PPP2R2C: variants seen among roughly 807,000 people sequenced by gnomAD.
PPP2R2C encodes protein phosphatase 2 regulatory subunit Bgamma, also known as protein phosphatase 2, regulatory subunit B, gamma.
In PPP2R2C, 10 loss-of-function variants were observed where a neutral mutation model predicts 45.3. The observed-to-expected ratio is 0.22, with a 90% CI of 0.14 to 0.37. The LOEUF is 0.37. Among genes scored for constraint, PPP2R2C ranks in the 10% least tolerant of loss-of-function variants. The probability of loss-of-function intolerance (pLI) is 1.00; values close to 1 mark genes in which losing one functional copy is unlikely to be tolerated. For missense variants in PPP2R2C, 308 were observed against 619.7 expected, an observed-to-expected ratio of 0.50 and a Z score of 5.34; for synonymous variants, 257 against 245.4, an observed-to-expected ratio of 1.05 and a Z score of -0.44.
Position 6,384,067 on chromosome 4 carries a change from C to T in PPP2R2C, c.71-2973G>A, listed in dbSNP as rs561129930. 3.3e-5 allele frequency: 33 copies of T among 985,612 alleles called. No individual in the cohort carries two copies. In the South Asian group the frequency reaches 5.2e-4, roughly 15 times the overall value. 61.1% of individuals were successfully genotyped at this position (985,612 alleles called of 1,614,324 possible). A position where few individuals can be genotyped will look rare whatever the true frequency, so the allele number is the denominator to read the frequency against. On this transcript the variant is annotated intron_variant, in intron 1 of 8. Coordinates refer to ENST00000382599, the MANE Select transcript of PPP2R2C (RefSeq NM_020416.4). The stretch of plus-strand genomic sequence containing the variant: ...AAGCAGCTCTGTGGGAACACGGAAA[C>T]GCCCACCGGGCATGGAGTCAGAACA...
intron 1 of PPP2R2C, among the ~76,000 whole-genome samples, chr4:6,554,992 GA>G (rs1443541825): frequency 8.6e-5 from 13 of 151,558 alleles, no homozygotes; most frequent in African/African-American, 3.2e-4. Context: ...GAGAAGAGAA[GA>G]GAAGAGAAAA....
chr4:6,375,802 C>T lies in PPP2R2C; in HGVS notation c.447+17G>A, dbSNP rs562052255. ...AATAAAGAGGCGTGTGCCTGCTTCC[C>T]CCTCACCGGAGCTCACCTGCAGTGA... On this transcript the variant is annotated intron_variant, in intron 4 of 8. Coordinates refer to ENST00000382599, the MANE Select transcript of PPP2R2C (RefSeq NM_020416.4). 661 of 1,576,246 alleles carry T rather than the reference C, an allele frequency of 4.2e-4. No individual in the cohort carries two copies. The highest frequency in any genetic ancestry group is 5.4e-4 in the Non-Finnish European group (617 of 1,152,254).
intron 2 of PPP2R2C, among the ~76,000 whole-genome samples, chr4:6,489,395 TCAGGTAAGTGG>T (rs1408545209): frequency 6.6e-6 from 1 of 152,122 alleles, no homozygotes; most frequent in Non-Finnish European, 1.5e-5. Flanking sequence ...ACATCGGGCT[TCAGGTAAGTGG>T]CAGGTACCTC....
intron 1 of PPP2R2C, 56 bp downstream of exon 1, chr4:6,472,104 G>C: frequency 6.2e-7 from 1 of 1,608,244 alleles, no homozygotes; most frequent in African/African-American, 1.3e-5. Context: ...CATTCGGTGC[G>C]ACGGCATCCC....
At chr4:6,470,877 G>A (rs1323599237) in intron 1 of PPP2R2C, among the ~76,000 whole-genome samples, 2 of 151,900 alleles carry the variant, frequency 1.3e-5, no homozygotes, top group African/African-American at 4.8e-5. Context: ...CGCCGGGAGC[G>A]GGCGCGGCCC....
chr4:6,402,032 C>T (rs914786020), intron 1 of PPP2R2C, among the ~76,000 whole-genome samples: 8 of 152,272 alleles, frequency 5.3e-5, no homozygotes, highest in South Asian at 2.1e-4. Flanking sequence ...TCCTCATCTG[C>T]GCATTGAGGT....
chr4:6,448,580 C>T (rs116014353), intron 1 of PPP2R2C, among the ~76,000 whole-genome samples: 1,858 of 152,252 alleles, frequency 0.012, 41 homozygotes, highest in African/African-American at 0.042. Context: ...TCGCCCTTCT[C>T]TCCCTCCGTC....
In PPP2R2C at chr4:6,348,109, C is replaced by A. The variant is rs1712174646; in HGVS notation, c.626-99G>T. The A allele has an allele frequency of 5.0e-6, 7 of 1,392,048 alleles. No homozygotes were observed. The Admixed American group carries it at 9.2e-5, about 18-fold the overall frequency. 86.2% of individuals were successfully genotyped at this position (1,392,048 alleles called of 1,614,324 possible). A position where few individuals can be genotyped will look rare whatever the true frequency, so the allele number is the denominator to read the frequency against. The stretch of plus-strand genomic sequence containing the variant: ...ACCTCTCCCGAGGCAAAACCGTCCA[C>A]CCTCGCGTCTGAGCTGCCTCTCTGT... On this transcript the variant is annotated intron_variant, in intron 5 of 8. Transcript: ENST00000382599.
intron 1 of PPP2R2C, among the ~76,000 whole-genome samples, chr4:6,550,408 G>A (rs918828908): frequency 6.6e-6 from 1 of 152,112 alleles, no homozygotes; most frequent in Non-Finnish European, 1.5e-5. Flanking sequence ...CTCCCGGGAA[G>A]GCTACGCCCA....
At chr4:6,358,585 A>C (rs7435050) in intron 5 of PPP2R2C, among the ~76,000 whole-genome samples, 130,662 of 150,410 alleles carry the variant, frequency 0.87, 58,184 homozygotes, top group East Asian at 1. Flanking sequence ...AAATTTTTGC[A>C]ATCTACTCAT....
In PPP2R2C at chr4:6,492,456, G is replaced by A. The variant is rs181033671; in HGVS notation, c.49+42815C>T. Reference sequence around the variant, plus strand: ...CCCCCGAGTGCTCTGGCGTCTTTCTGCATTCCACTCCAAGGCCTCTGCCCA... The same window carrying A: ...CCCCCGAGTGCTCTGGCGTCTTTCTACATTCCACTCCAAGGCCTCTGCCCA... On this transcript the variant is annotated intron_variant, in intron 2 of 9. Transcript: ENST00000506140. Among the ~76,000 whole-genome samples, 6 of 152,282 alleles carry A rather than the reference G, an allele frequency of 3.9e-5. No homozygotes were observed. In the East Asian group the frequency reaches 9.7e-4, roughly 25 times the overall value.
Position 6,323,521 on chromosome 4 carries a change from C to T in PPP2R2C, c.1125G>A (p.Leu375=). 6.2e-7 allele frequency: 1 copy of T among 1,603,104 alleles called. No individual in the cohort carries two copies. Among genetic ancestry groups the T allele is most frequent in the Non-Finnish European group, 8.5e-7 (1 of 1,171,010 alleles). ...FDRNTKRDVT[L]EASRESSKPR... is the part of the protein sequence containing the mutation. ...GCTTGCTGCTTTCCCTCGAGGCCTCCAGGGTCACGTCCCGCTTGGTGTTCC... is the reference window on the plus strand; with the variant it reads ...GCTTGCTGCTTTCCCTCGAGGCCTCTAGGGTCACGTCCCGCTTGGTGTTCC... Residue 375 remains leucine, a synonymous_variant, in exon 9 of 9, where the codon CTG becomes CTA. Coordinates refer to ENST00000382599, the MANE Select transcript of PPP2R2C (RefSeq NM_020416.4).
intron 2 of PPP2R2C, among the ~76,000 whole-genome samples, chr4:6,512,287 A>G (rs1160214766): frequency 1.0e-2 from 213 of 21,386 alleles, no homozygotes; most frequent in Non-Finnish European, 0.014. Flanking sequence ...GGTGGTGGTG[A>G]TGGTGGCGGT....
intron 1 of PPP2R2C, among the ~76,000 whole-genome samples, chr4:6,409,174 A>G (rs1717994968): frequency 6.6e-6 from 1 of 152,238 alleles, no homozygotes; most frequent in Non-Finnish European, 1.5e-5. Context: ...CAGGAACTAT[A>G]CAACCAAATA....
At chr4:6,461,835 A>C (rs1303012323) in intron 1 of PPP2R2C, among the ~76,000 whole-genome samples, 3 of 152,254 alleles carry the variant, frequency 2.0e-5, no homozygotes, top group Non-Finnish European at 4.4e-5. Context: ...TCCCCTACAG[A>C]AAGTGAGCAC....
chr4:6,336,633 TTCCC>T lies in PPP2R2C; in HGVS notation c.791-2906_791-2903del, dbSNP rs1343697765. 2.0e-4 allele frequency among the ~76,000 whole-genome samples: 15 copies of T among 76,804 alleles called. 2 individuals are homozygous for T. Among genetic ancestry groups the T allele is most frequent in the South Asian group, 5.1e-4 (1 of 1,952 alleles). The allele number at this position is 76,804 out of a possible 152,430, so 50.4% of individuals were successfully genotyped here. ...GAGTGCTGCAGCCCTACTGACTTACTTCCCTCCCTCCCTCCCTCCCTCCCTCCCT... is the reference window on the plus strand; with the variant it reads ...GAGTGCTGCAGCCCTACTGACTTACTTCCCTCCCTCCCTCCCTCCCTCCCT... On this transcript the variant is annotated intron_variant, in intron 6 of 8. Transcript: ENST00000382599.
At chr4:6,413,754 G>T in intron 1 of PPP2R2C, 1 of 1,001,858 alleles carries the variant, frequency 1.0e-6, no homozygotes, top group Non-Finnish European at 1.4e-6. Context: ...TCCTGGTGGT[G>T]GCAGCTGGGG....
At chr4:6,406,627 C>T (rs991332634) in intron 1 of PPP2R2C, among the ~76,000 whole-genome samples, 7 of 151,808 alleles carry the variant, frequency 4.6e-5, no homozygotes, top group Admixed American at 1.3e-4. Flanking sequence ...TATGGTGGCA[C>T]GCACCTGTAA....
chr4:6,382,640 C>T (rs113499839), intron 1 of PPP2R2C: 1 of 101,584 alleles, frequency 9.8e-6, no homozygotes, highest in Admixed American at 2.1e-4. Context: ...CTCTCTCTCT[C>T]TCTCTCTCTC....
Sources: gnomAD v4.1 joint callset for allele counts (sites outside exome capture counted in the v4.1 genomes callset) on GRCh38, gnomAD v4.1.1 for gene constraint, MANE v1.5 for transcripts, NCBI Gene and HGNC (gene_info 2026-07-23, HGNC 2026-07-21) for gene names.